The following EXPH5 variants were observed in gnomAD, a reference collection of about 807,000 sequenced individuals.
EXPH5 encodes exophilin-5.
In EXPH5, 42 loss-of-function variants were observed where a neutral mutation model predicts 41.1. The ratio of observed to expected loss-of-function variants is 1.02; its 90% confidence interval spans 0.80 to 1.32. EXPH5 has a LOEUF of 1.32. Among genes scored for constraint, EXPH5 ranks in the 40% most tolerant of loss-of-function variants. The pLI is 0.00. For synonymous variants in EXPH5, 798 were observed against 833.5 expected, an observed-to-expected ratio of 0.96 and a Z score of 0.73; for missense variants, 2,298 against 2,314.5, an observed-to-expected ratio of 0.99 and a Z score of 0.15.
intron 1 of EXPH5, among the ~76,000 whole-genome samples, chr11:108,587,417 G>C (rs12799294): frequency 0.37 from 56,666 of 151,964 alleles, 10,880 homozygotes; most frequent in Middle Eastern, 0.5. Flanking sequence ...AGTTTGTATT[G>C]CCTATAGCAG....
rs148224733 is a variant in EXPH5, at chr11:108,587,219, C to G, written c.119+6199G>C. ...ACATGTGCCATGCTGGTGTGCTGCA[C>G]CCATTAACTCGTCATTTAGCATTAG... On this transcript the variant is annotated intron_variant, in intron 1 of 5. Transcript: ENST00000265843. Among the ~76,000 whole-genome samples, 1,416 of 152,304 alleles carry G rather than the reference C, an allele frequency of 9.3e-3. 24 individuals carry two copies. Among genetic ancestry groups the G allele is most frequent in the African/African-American group, 0.03 (1,245 of 41,558 alleles).
intron 5 of EXPH5, among the ~76,000 whole-genome samples, chr11:108,517,947 TG>T (rs1182038653): frequency 1.3e-5 from 2 of 152,086 alleles, no homozygotes; most frequent in African/African-American, 2.4e-5. Flanking sequence ...TCAGTAGAGA[TG>T]GGGTCTCAAA....
rs1214614399 is a variant in EXPH5, at chr11:108,511,669, C to T, written c.3838G>A (p.Glu1280Lys). The T allele has an allele frequency of 1.2e-6, 2 of 1,603,242 alleles. No individual in the cohort carries two copies. Among genetic ancestry groups the T allele is most frequent in the East Asian group, 4.5e-5 (2 of 44,870 alleles). The stretch of plus-strand genomic sequence containing the variant: ...GTTTCAGTCTCCACTTGAGGTGATT[C>T]TATAAGTAAATTAGTATTTTGTGTA... ...QYTQNTNLLI[E>K]SPQVETETFP... Residue 1280 changes from glutamate to lysine, a missense_variant, in exon 6 of 6, where the codon GAA becomes AAA. Coordinates refer to ENST00000265843, the MANE Select transcript of EXPH5 (RefSeq NM_015065.3).
At chr11:108,596,069 C>T (rs1322220091), upstream of EXPH5, among the ~76,000 whole-genome samples, 1 of 151,972 alleles carries the variant, frequency 6.6e-6, no homozygotes, top group African/African-American at 2.4e-5. Context: ...AGCATGTGCA[C>T]CTGTAGTCCC....
intron 1 of EXPH5, among the ~76,000 whole-genome samples, chr11:108,586,967 C>T (rs955608183): frequency 6.6e-6 from 1 of 152,088 alleles, no homozygotes; most frequent in African/African-American, 2.4e-5. Context: ...GAATAACTCA[C>T]TACAGAAAAA....
At chr11:108,516,799 T>C (rs971154494) in intron 5 of EXPH5, among the ~76,000 whole-genome samples, 1 of 152,216 alleles carries the variant, frequency 6.6e-6, no homozygotes, top group Admixed American at 6.5e-5. Flanking sequence ...TCTGTGAATG[T>C]TTTAGTGAAA....
chr11:108,533,994 T>C (rs1247546416), intron 3 of EXPH5, among the ~76,000 whole-genome samples: 2 of 152,108 alleles, frequency 1.3e-5, no homozygotes, highest in African/African-American at 4.8e-5. Flanking sequence ...GCAGCCTGAC[T>C]ATGTTGACCA....
chr11:108,562,601 G>A (rs964821930), intron 1 of EXPH5, among the ~76,000 whole-genome samples: 3 of 151,842 alleles, frequency 2.0e-5, no homozygotes, highest in East Asian at 1.9e-4. Context: ...AGAGCAAGAC[G>A]CTGTTTCAAA....
chr11:108,534,421 T>TTG (rs529499268), intron 3 of EXPH5, among the ~76,000 whole-genome samples: 44 of 152,314 alleles, frequency 2.9e-4, no homozygotes, highest in Non-Finnish European at 5.7e-4. Context: ...GGCCCGTGTG[T>TTG]TGTGGCCTCT....
chr11:108,541,594 A>G (rs2093913179), intron 2 of EXPH5, 58 bp downstream of exon 2: 1 of 1,234,696 alleles, frequency 8.1e-7, no homozygotes, highest in Non-Finnish European at 1.2e-6. Flanking sequence ...GCCATTATCT[A>G]CAATACTATG....
chr11:108,533,411 G>A (rs1033742690), intron 3 of EXPH5, among the ~76,000 whole-genome samples: 6 of 152,208 alleles, frequency 3.9e-5, no homozygotes, highest in African/African-American at 1.4e-4. Flanking sequence ...CACCATGTTG[G>A]CCAGACTAGT....
intron 1 of EXPH5, among the ~76,000 whole-genome samples, chr11:108,576,869 C>T (rs909389329): frequency 5.3e-5 from 8 of 152,242 alleles, no homozygotes; most frequent in South Asian, 4.1e-4. Context: ...TAGCCAAGTC[C>T]TTTTCATCCT....
chr11:108,509,948 A>T lies in EXPH5; in HGVS notation c.5559T>A (p.Ser1853=), dbSNP rs748651952. Residue 1853 remains serine (S), a synonymous_variant, in exon 6 of 6, where the codon TCT becomes TCA. Coordinates refer to ENST00000265843, the MANE Select transcript of EXPH5 (RefSeq NM_015065.3). ...NGYSRRFRSF[S]ELPSCDGNES... is the part of the protein sequence containing the mutation. ...CATTTCCATCACAGGAGGGGAGTTCAGAAAAAGATCTGAATCTTCGACTGT... is the reference window on the plus strand; with the variant it reads ...CATTTCCATCACAGGAGGGGAGTTCTGAAAAAGATCTGAATCTTCGACTGT... 1 of 1,612,580 alleles carries T rather than the reference A, an allele frequency of 6.2e-7. No homozygotes were observed. Among genetic ancestry groups the T allele is most frequent in the East Asian group, 2.2e-5 (1 of 44,874 alleles).
chr11:108,512,212 TTC>T lies in EXPH5; in HGVS notation c.3293_3294del (p.Arg1098AsnfsTer13). 6.2e-7 allele frequency: 1 copy of T among 1,608,018 alleles called. No homozygotes were observed. Among genetic ancestry groups the T allele is most frequent in the Non-Finnish European group, 8.5e-7 (1 of 1,177,946 alleles). ...SALEAPEATE[R>X]MTNVKSSGST... ...GATCCACTGCTTTTTACATTTGTCA[TTC>T]TCTCTGTGGCTTCAGGTGCTTCCAG... is the stretch of plus-strand genomic sequence containing the variant. On this transcript the variant is annotated frameshift_variant, in exon 6 of 6. Coordinates refer to ENST00000265843, the MANE Select transcript of EXPH5 (RefSeq NM_015065.3). LOFTEE classifies it low-confidence loss of function (END_TRUNC).
At chr11:108,573,139 G>GGAAAGAAAGAAAGAAGGAAA in intron 1 of EXPH5, among the ~76,000 whole-genome samples, 1 of 90,508 alleles carries the variant, frequency 1.1e-5, no homozygotes, top group Non-Finnish European at 2.2e-5. Flanking sequence ...AAGGAAAGAA[G>GGAAAGAAAGAAAGAAGGAAA]GAAAGAAAGA....
intron 1 of EXPH5, among the ~76,000 whole-genome samples, chr11:108,553,392 A>C (rs1468245031): frequency 6.6e-6 from 1 of 152,148 alleles, no homozygotes; most frequent in East Asian, 1.9e-4. Context: ...ACCCTCAAGA[A>C]GGTGCTGTAG....
At chr11:108,543,247 T>C (rs1029031240) in intron 1 of EXPH5, among the ~76,000 whole-genome samples, 7 of 152,202 alleles carry the variant, frequency 4.6e-5, no homozygotes, top group African/African-American at 1.7e-4. Context: ...CTCTTTCAAA[T>C]GAAAATGCTG....
At chr11:108,580,961 G>C (rs1319988559) in intron 1 of EXPH5, among the ~76,000 whole-genome samples, 3 of 152,138 alleles carry the variant, frequency 2.0e-5, no homozygotes, top group Non-Finnish European at 4.4e-5. Context: ...AGCTAGAGAG[G>C]AGGAATAAGT....
upstream of EXPH5, among the ~76,000 whole-genome samples, chr11:108,594,056 G>A (rs1007027480): frequency 3.3e-5 from 5 of 152,214 alleles, no homozygotes; most frequent in African/African-American, 9.7e-5. Context: ...GGAGATTCAT[G>A]ACTAATCCTC....
Sources: gnomAD v4.1 joint callset for allele counts (sites outside exome capture counted in the v4.1 genomes callset) on GRCh38, gnomAD v4.1.1 for gene constraint, MANE v1.5 for transcripts, NCBI Gene and HGNC (gene_info 2026-07-23, HGNC 2026-07-21) for gene names.